The following SRGAP3 variants were observed in gnomAD, a reference collection of about 807,000 sequenced individuals.
SRGAP3 encodes SLIT-ROBO Rho GTPase activating protein 3, also known as SLIT-ROBO Rho GTPase-activating protein 3.
SRGAP3 carries 39 observed loss-of-function variants against 121.1 expected under a neutral mutation model. The ratio of observed to expected loss-of-function variants is 0.32; its 90% CI spans 0.25 to 0.42. The LOEUF (loss-of-function observed/expected upper bound fraction) is 0.42. Among genes scored for constraint, SRGAP3 ranks in the 10% least tolerant of loss-of-function variants. The pLI, the probability that SRGAP3 is intolerant of heterozygous loss-of-function variation, is 1.00. For missense variants in SRGAP3, 1,213 were observed against 1,470.6 expected (o/e 0.82, Z 2.86); for synonymous variants, 601 against 570.0 (o/e 1.05, Z -0.77).
At chr3:9,115,094 G>A (rs576660818) in intron 2 of SRGAP3, among the ~76,000 whole-genome samples, 5 of 152,176 alleles carry the variant, frequency 3.3e-5, no homozygotes, top group South Asian at 2.1e-4. Context: ...GCAAAACTGG[G>A]TCAGTTCTTT....
At chr3:9,253,580 C>T (rs1293629261), upstream of SRGAP3, among the ~76,000 whole-genome samples, 1 of 152,168 alleles carries the variant, frequency 6.6e-6, no homozygotes, top group Non-Finnish European at 1.5e-5. Flanking sequence ...ACCTCCCCCT[C>T]GCCGAGATGA....
At chr3:9,122,090 C>T (rs926724407) in intron 2 of SRGAP3, among the ~76,000 whole-genome samples, 32 of 152,212 alleles carry the variant, frequency 2.1e-4, no homozygotes, top group African/African-American at 7.0e-4. Flanking sequence ...GCTTCACCAT[C>T]CTCATCTTTA....
chr3:9,285,307 A>G (rs1281334748), intron 3 of SRGAP3, among the ~76,000 whole-genome samples: 1 of 152,210 alleles, frequency 6.6e-6, no homozygotes, highest in Non-Finnish European at 1.5e-5. Flanking sequence ...TTAGTGATTA[A>G]TGATGGGGCT....
chr3:9,155,527 T>C (rs1950388519), intron 1 of SRGAP3, among the ~76,000 whole-genome samples: 1 of 152,192 alleles, frequency 6.6e-6, no homozygotes, highest in Non-Finnish European at 1.5e-5. Context: ...GCTTGGCATA[T>C]ACTGGAATCT....
intron 1 of SRGAP3, among the ~76,000 whole-genome samples, chr3:9,131,226 T>A (rs1575119637): frequency 2.0e-5 from 3 of 152,044 alleles, no homozygotes. Flanking sequence ...CAGCAGACGT[T>A]TCCCCCCCGG....
At chr3:9,225,931 T>C (rs955672474) in intron 1 of SRGAP3, among the ~76,000 whole-genome samples, 1 of 152,154 alleles carries the variant, frequency 6.6e-6, no homozygotes, top group African/African-American at 2.4e-5. Context: ...CCATATTTTA[T>C]ACAAAATCTC....
intron 3 of SRGAP3, among the ~76,000 whole-genome samples, chr3:9,305,319 A>G (rs1163074310): frequency 6.8e-6 from 1 of 147,374 alleles, no homozygotes; most frequent in African/African-American, 2.5e-5. Flanking sequence ...GCGGTGTAAC[A>G]GGGAGGGGCT....
intron 1 of SRGAP3, among the ~76,000 whole-genome samples, chr3:9,196,482 T>G (rs181682026): frequency 1.5e-3 from 225 of 152,358 alleles, no homozygotes; most frequent in African/African-American, 5.1e-3. Context: ...TTTTAATAGT[T>G]GTGTTTTATG....
At chr3:9,256,622 G>A (rs1416506703) in intron 3 of SRGAP3, 8 of 393,204 alleles carry the variant, frequency 2.0e-5, no homozygotes, top group Non-Finnish European at 3.6e-5. Context: ...TTCCCTTGAT[G>A]AGACCTTAGT....
chr3:9,286,357 A>G (rs533411269), intron 3 of SRGAP3, among the ~76,000 whole-genome samples: 9 of 151,954 alleles, frequency 5.9e-5, no homozygotes, highest in African/African-American at 2.2e-4. Flanking sequence ...GTTAACATGG[A>G]TACATACCAA....
chr3:9,209,542 C>T (rs1425294625), intron 1 of SRGAP3, among the ~76,000 whole-genome samples: 1 of 152,202 alleles, frequency 6.6e-6, no homozygotes, highest in Admixed American at 6.5e-5. Flanking sequence ...AAATTAGGGG[C>T]AACTTCTCTT....
At chr3:9,236,082 C>T (rs1275654254) in intron 1 of SRGAP3, 1 of 162,860 alleles carries the variant, frequency 6.1e-6, no homozygotes, top group African/African-American at 2.4e-5. Flanking sequence ...CATTTTGTTC[C>T]ACCTACTCAG....
At chr3:9,276,585 C>CTGGCTAAT (rs1315081843) in intron 3 of SRGAP3, among the ~76,000 whole-genome samples, 2 of 152,168 alleles carry the variant, frequency 1.3e-5, no homozygotes, top group Admixed American at 1.3e-4. Flanking sequence ...ACCACCACAC[C>CTGGCTAAT]TGGCTAATTT....
At position 8,994,390 on chromosome 3, in the gene SRGAP3, G is replaced by C. The variant is rs758727642; in HGVS notation, c.2361C>G (p.Asn787Lys). ...GATGGGGGATGAGTCCATCCACGCC[G>C]TTGTGCCGGCCCTCCCACCAGTCCT... ...ASEDWWEGRH[N>K]GVDGLIPHQY... The change falls in exon 19 of 22, where the codon AAC (asparagine) becomes AAG (lysine). Residue 787 changes from asparagine to lysine, a missense_variant. Physicochemically the swap from Asn to Lys is moderately conservative, Grantham distance 94 (BLOSUM62 0). This residue lies in a region of SRGAP3 where 793 missense variants were observed against 1,032.9 expected (regional missense o/e 0.77). Coordinates refer to ENST00000383836, the MANE Select transcript of SRGAP3 (RefSeq NM_014850.4). 2 of 1,614,086 alleles carry C rather than the reference G, an allele frequency of 1.2e-6. No individual in the cohort carries two copies. Among genetic ancestry groups the C allele is most frequent in the Admixed American group, 3.3e-5 (2 of 60,004 alleles).
intron 10 of SRGAP3, among the ~76,000 whole-genome samples, chr3:9,046,836 C>T (rs987090531): frequency 6.8e-6 from 1 of 146,328 alleles, no homozygotes; most frequent in African/African-American, 2.5e-5. Flanking sequence ...CTTTTCTTTT[C>T]TTTTTTTTTT....
intron 8 of SRGAP3, among the ~76,000 whole-genome samples, chr3:9,053,887 A>ACTGTGTG: frequency 6.6e-6 from 1 of 152,222 alleles, no homozygotes; most frequent in Non-Finnish European, 1.5e-5. Flanking sequence ...ACTGTGCCTA[A>ACTGTGTG]AAGGCAGATT....
chr3:9,145,351 C>T (rs1949989291), intron 1 of SRGAP3, among the ~76,000 whole-genome samples: 1 of 152,342 alleles, frequency 6.6e-6, no homozygotes, highest in Middle Eastern at 3.4e-3. Context: ...TTACCTTGGC[C>T]TCCCAAAGTG....
intron 9 of SRGAP3, 110 bp from the exon 10 acceptor site, chr3:9,047,585 C>CCGCAGGGACCCCGG: frequency 3.0e-6 from 3 of 1,013,804 alleles, no homozygotes; most frequent in Non-Finnish European, 4.6e-6. Context: ...ATCACGTCAC[C>CCGCAGGGACCCCGG]CGCAGGGACC....
intron 2 of SRGAP3, among the ~76,000 whole-genome samples, chr3:9,107,734 G>A (rs1948467898): frequency 6.6e-6 from 1 of 152,202 alleles, no homozygotes; most frequent in Non-Finnish European, 1.5e-5. Context: ...AACTCTCAAG[G>A]TGATTTGGAT....
Sources: gnomAD v4.1 joint callset for allele counts (sites outside exome capture counted in the v4.1 genomes callset) on GRCh38, gnomAD v4.1.1 for gene constraint, gnomAD v4.1.1 regional missense constraint, MANE v1.5 for transcripts, NCBI Gene and HGNC (gene_info 2026-07-23, HGNC 2026-07-21) for gene names.